The following PGCKA1 variants were observed in gnomAD, a reference collection of about 807,000 sequenced individuals.
PGCKA1 encodes PDCD10 and GCKIII kinases-associated protein 1.
chr4:37,559,667 G>A, the PGCKA1 span, among the ~76,000 whole-genome samples: 1 of 152,086 alleles, frequency 6.6e-6, no homozygotes, highest in Non-Finnish European at 1.5e-5. Context: ...GAGGGTCCAG[G>A]ATAACGACTA....
chr4:37,488,160 G>T, the PGCKA1 span, among the ~76,000 whole-genome samples: 1 of 152,124 alleles, frequency 6.6e-6, no homozygotes, highest in Non-Finnish European at 1.5e-5. Flanking sequence ...TTCAAGTCCA[G>T]AATATTTTTT....
At chr4:37,482,482 G>C in the PGCKA1 span, among the ~76,000 whole-genome samples, 1 of 152,180 alleles carries the variant, frequency 6.6e-6, no homozygotes, top group South Asian at 2.1e-4. Flanking sequence ...AGATAATTTA[G>C]AGTATCTGGC....
At chr4:37,591,202 G>A in the PGCKA1 span, 1 of 503,164 alleles carries the variant, frequency 2.0e-6, no homozygotes, top group African/African-American at 1.9e-5. Flanking sequence ...GTGTAGATGA[G>A]CTGTCATTCA....
At chr4:37,593,006 A>G in the PGCKA1 span, among the ~76,000 whole-genome samples, 1 of 152,224 alleles carries the variant, frequency 6.6e-6, no homozygotes, top group African/African-American at 2.4e-5. Flanking sequence ...ACAAATGCTT[A>G]ATGAGCCTAT....
At chr4:37,550,419 A>G in the PGCKA1 span, among the ~76,000 whole-genome samples, 1 of 152,218 alleles carries the variant, frequency 6.6e-6, no homozygotes. Context: ...AGATGTGTCA[A>G]TACTGGTCTT....
chr4:37,505,362 G>A, the PGCKA1 span, among the ~76,000 whole-genome samples: 13 of 152,120 alleles, frequency 8.5e-5, no homozygotes, highest in African/African-American at 2.9e-4. Context: ...TCAGTGATAT[G>A]GGCCTGTCAT....
At chr4:37,535,285 G>A in the PGCKA1 span, among the ~76,000 whole-genome samples, 1 of 152,208 alleles carries the variant, frequency 6.6e-6, no homozygotes, top group East Asian at 1.9e-4. Context: ...TGCTTGGTCG[G>A]CCAAGGCGGG....
chr4:37,498,853 A>G, the PGCKA1 span, among the ~76,000 whole-genome samples: 1 of 152,136 alleles, frequency 6.6e-6, no homozygotes, highest in East Asian at 1.9e-4. Flanking sequence ...AGGATTTCCA[A>G]TATTATGTTG....
At chr4:37,485,940 T>C in the PGCKA1 span, among the ~76,000 whole-genome samples, 7 of 152,184 alleles carry the variant, frequency 4.6e-5, no homozygotes, top group Non-Finnish European at 7.3e-5. Context: ...CTCTGGCAGG[T>C]TCCCCCTGTA....
At chr4:37,532,496 TA>T in the PGCKA1 span, among the ~76,000 whole-genome samples, 1 of 149,420 alleles carries the variant, frequency 6.7e-6, no homozygotes, top group Non-Finnish European at 1.5e-5. Flanking sequence ...ATCAGTCCTC[TA>T]AATGGAATTT....
At chr4:37,583,086 A>G in the PGCKA1 span, among the ~76,000 whole-genome samples, 12 of 152,194 alleles carry the variant, frequency 7.9e-5, no homozygotes, top group South Asian at 1.9e-3. Flanking sequence ...GTTTTATTCA[A>G]TTGGCTACAA....
chr4:37,572,067 T>TC, the PGCKA1 span, among the ~76,000 whole-genome samples: 10 of 106,546 alleles, frequency 9.4e-5, no homozygotes, highest in African/African-American at 1.8e-4. Context: ...TTTTTTCTTT[T>TC]TTTTTTTTTT....
At chr4:37,479,534 T>C in the PGCKA1 span, among the ~76,000 whole-genome samples, 2 of 152,326 alleles carry the variant, frequency 1.3e-5, no homozygotes, top group African/African-American at 4.8e-5. Flanking sequence ...GGAACAAGTA[T>C]AATATGAATC....
chr4:37,582,687 C>A, the PGCKA1 span, among the ~76,000 whole-genome samples: 1 of 152,338 alleles, frequency 6.6e-6, no homozygotes, highest in East Asian at 1.9e-4. Context: ...AGGCTAAGTT[C>A]TCAGTGCATC....
At chr4:37,458,539 A>G in the PGCKA1 span, among the ~76,000 whole-genome samples, 1 of 152,138 alleles carries the variant, frequency 6.6e-6, no homozygotes, top group Non-Finnish European at 1.5e-5. Context: ...GCCTCTGAGT[A>G]TTGGCGGACC....
At chr4:37,571,273 G>A in the PGCKA1 span, among the ~76,000 whole-genome samples, 1 of 151,614 alleles carries the variant, frequency 6.6e-6, no homozygotes, top group African/African-American at 2.4e-5. Context: ...TATATACACA[G>A]GATGATGTGT....
At chr4:37,567,859 TG>T in the PGCKA1 span, among the ~76,000 whole-genome samples, 7 of 151,424 alleles carry the variant, frequency 4.6e-5, no homozygotes, top group African/African-American at 1.2e-4. Context: ...AATTACTAGA[TG>T]GGGGGAAAAA....
At chr4:37,515,373 T>C in the PGCKA1 span, among the ~76,000 whole-genome samples, 2 of 152,206 alleles carry the variant, frequency 1.3e-5, no homozygotes, top group African/African-American at 4.8e-5. Context: ...CCATATTCTA[T>C]TGGTTGAAGT....
the PGCKA1 span, chr4:37,460,817 T>C: frequency 1.2e-5 from 4 of 343,602 alleles, no homozygotes; most frequent in Non-Finnish European, 1.7e-5. Context: ...TTTCTTTTGC[T>C]GTGCAGAAGC....
Sources: allele counts gnomAD v4.1 joint callset (sites outside exome capture counted in the v4.1 genomes callset), GRCh38; gene constraint gnomAD v4.1.1; transcripts MANE v1.5; gene names NCBI Gene and HGNC (gene_info 2026-07-23, HGNC 2026-07-21).